The following SLC25A21 variants were observed in gnomAD, a reference collection of about 807,000 sequenced individuals.
The protein encoded by SLC25A21 is mitochondrial 2-oxodicarboxylate carrier.
SLC25A21 carries 47 observed loss-of-function variants against 43.8 expected under a neutral mutation model. The observed-to-expected ratio is 1.07, with a 90% CI of 0.85 to 1.37. The LOEUF is 1.37. Among genes scored for constraint, SLC25A21 ranks in the 40% most tolerant of loss-of-function variants. The pLI is 0.00. For missense variants in SLC25A21, 352 were observed against 350.2 expected, an observed-to-expected ratio of 1.00 and a Z score of -0.04; for synonymous variants, 131 against 121.3, an observed-to-expected ratio of 1.08 and a Z score of -0.52.
At chr14:36,723,226 C>T (rs1471714413) in intron 6 of SLC25A21, among the ~76,000 whole-genome samples, 1 of 152,188 alleles carries the variant, frequency 6.6e-6, no homozygotes, top group Non-Finnish European at 1.5e-5. Flanking sequence ...ACATTTTCTA[C>T]AATAGTCACA....
At chr14:36,687,969 C>T (rs1388506153) in intron 7 of SLC25A21, among the ~76,000 whole-genome samples, 1 of 152,242 alleles carries the variant, frequency 6.6e-6, no homozygotes, top group African/African-American at 2.4e-5. Flanking sequence ...AACTGCCTCA[C>T]TTGGCCATTG....
intron 2 of SLC25A21, among the ~76,000 whole-genome samples, chr14:36,834,569 C>G (rs747143004): frequency 2.0e-4 from 31 of 152,184 alleles, no homozygotes; most frequent in Admixed American, 9.2e-4. Context: ...ACACCTTTCT[C>G]AATCCTGACC....
chr14:36,886,767 T>G (rs1440547966), intron 1 of SLC25A21, among the ~76,000 whole-genome samples: 1 of 152,188 alleles, frequency 6.6e-6, no homozygotes, highest in Non-Finnish European at 1.5e-5. Flanking sequence ...GTAAGTCAAT[T>G]TCAGCTCAAT....
intron 3 of SLC25A21, among the ~76,000 whole-genome samples, chr14:36,752,828 C>T (rs1313724177): frequency 2.0e-5 from 3 of 152,050 alleles, no homozygotes; most frequent in Admixed American, 6.6e-5. Context: ...AGGGGCTTTC[C>T]CCGCCTTTGC....
chr14:36,966,807 T>A (rs937439134), intron 1 of SLC25A21, among the ~76,000 whole-genome samples: 13 of 152,172 alleles, frequency 8.5e-5, no homozygotes, highest in Non-Finnish European at 5.9e-5. Context: ...GTTGGGGAAC[T>A]TGGGGAACCA....
At chr14:37,070,057 T>C (rs1438359138) in intron 1 of SLC25A21, among the ~76,000 whole-genome samples, 3 of 152,232 alleles carry the variant, frequency 2.0e-5, no homozygotes, top group Non-Finnish European at 4.4e-5. Flanking sequence ...CAGGCAGTTA[T>C]TTCATTCATG....
chr14:36,917,538 T>C (rs1386517037), intron 1 of SLC25A21, among the ~76,000 whole-genome samples: 1 of 152,176 alleles, frequency 6.6e-6, no homozygotes, highest in Non-Finnish European at 1.5e-5. Context: ...TCATATTTTT[T>C]TCTTCAGCAA....
chr14:36,896,963 C>T (rs909054084), intron 1 of SLC25A21, among the ~76,000 whole-genome samples: 2 of 152,132 alleles, frequency 1.3e-5, no homozygotes, highest in African/African-American at 4.8e-5. Context: ...TCTCTGGCTG[C>T]CCTTAACATT....
intron 1 of SLC25A21, among the ~76,000 whole-genome samples, chr14:36,903,124 A>T (rs79783251): frequency 0.011 from 1,723 of 152,336 alleles, 31 homozygotes; most frequent in African/African-American, 0.039. Flanking sequence ...TACACTATAA[A>T]TCATCACTGC....
chr14:36,709,816 T>TA (rs373872868), intron 7 of SLC25A21, among the ~76,000 whole-genome samples: 32 of 145,566 alleles, frequency 2.2e-4, no homozygotes, highest in Middle Eastern at 7.2e-3. Context: ...GTTTTATGAC[T>TA]AAAAAAAAAA....
intron 3 of SLC25A21, among the ~76,000 whole-genome samples, chr14:36,809,644 C>G (rs1888164241): frequency 6.6e-6 from 1 of 152,094 alleles, no homozygotes; most frequent in Non-Finnish European, 1.5e-5. Flanking sequence ...TGGAGAGAAC[C>G]ATTTCATTTT....
chr14:36,733,680 A>G (rs1184643618), intron 4 of SLC25A21, among the ~76,000 whole-genome samples: 2 of 152,148 alleles, frequency 1.3e-5, no homozygotes, highest in Non-Finnish European at 2.9e-5. Flanking sequence ...AAAAAACCTT[A>G]TGTTGCTTGG....
chr14:36,678,815 G>A lies in SLC25A21; in HGVS notation c.*1843C>T, dbSNP rs1457843291. On this transcript the variant is annotated 3_prime_UTR_variant, in exon 10 of 10. Transcript: ENST00000331299. ...TTGAAGTTTCCTTTTCTCCCTCTAG[G>A]TCTTAACAGTGAATTCACATGGAGT... is the stretch of plus-strand genomic sequence containing the variant. The A allele has an allele frequency of 1.0e-6, 1 of 997,994 alleles. No homozygotes were observed. Among genetic ancestry groups the A allele is most frequent in the Non-Finnish European group, 1.2e-6 (1 of 829,478 alleles). 61.8% of individuals were successfully genotyped at this position (997,994 alleles called of 1,614,324 possible).
intron 1 of SLC25A21, among the ~76,000 whole-genome samples, chr14:37,008,297 G>A (rs556793899): frequency 6.6e-6 from 1 of 152,224 alleles, no homozygotes. Flanking sequence ...CACAACAAGC[G>A]TTCATTCTGA....
chr14:36,686,660 G>A (rs1485295814), intron 7 of SLC25A21, among the ~76,000 whole-genome samples: 1 of 152,184 alleles, frequency 6.6e-6, no homozygotes, highest in East Asian at 1.9e-4. Context: ...TTCTAAAGAT[G>A]CAAACATTCT....
At chr14:37,145,278 T>A (rs541417854) in intron 1 of SLC25A21, among the ~76,000 whole-genome samples, 1 of 152,130 alleles carries the variant, frequency 6.6e-6, no homozygotes, top group East Asian at 1.9e-4. Flanking sequence ...TCTCTATTTT[T>A]TTTAAGAGAT....
intron 2 of SLC25A21, among the ~76,000 whole-genome samples, chr14:36,861,077 T>C (rs1482577779): frequency 6.6e-6 from 1 of 152,206 alleles, no homozygotes; most frequent in Non-Finnish European, 1.5e-5. Context: ...TTCTTCATTA[T>C]GTCAAAACTA....
chr14:36,697,781 T>C (rs1055514606), intron 7 of SLC25A21, among the ~76,000 whole-genome samples: 3 of 146,728 alleles, frequency 2.0e-5, no homozygotes, highest in African/African-American at 7.6e-5. Context: ...TCTTCCTCCA[T>C]CCCTTTATTT....
chr14:36,988,578 AG>A (rs747625795), intron 1 of SLC25A21, among the ~76,000 whole-genome samples: 42 of 152,226 alleles, frequency 2.8e-4, no homozygotes, highest in Non-Finnish European at 8.8e-5. Flanking sequence ...CTAGGAACAC[AG>A]AGGTGACTGG....
Sources: gnomAD v4.1 joint callset for allele counts (sites outside exome capture counted in the v4.1 genomes callset) on GRCh38, gnomAD v4.1.1 for gene constraint, MANE v1.5 for transcripts, NCBI Gene and HGNC (gene_info 2026-07-23, HGNC 2026-07-21) for gene names.